The following TENM2 variants were observed in gnomAD, a reference collection of about 807,000 sequenced individuals.
TENM2 encodes the protein teneurin transmembrane protein 2, also known as teneurin-2.
Under a neutral mutation model 245.2 loss-of-function variants are expected in TENM2, and 52 were observed. The ratio of observed to expected loss-of-function variants is 0.21; its 90% CI spans 0.17 to 0.27. The LOEUF is 0.27. Ranked by LOEUF, TENM2 falls within the 10% of genes least tolerant of loss-of-function variation. The pLI is 1.00. For synonymous variants in TENM2, 1,363 were observed against 1,438.9 expected, an observed-to-expected ratio of 0.95 and a Z score of 1.19; for missense variants, 3,046 against 3,666.8, an observed-to-expected ratio of 0.83 and a Z score of 4.37.
chr5:168,223,991 G>C (rs1330408980), intron 23 of TENM2, among the ~76,000 whole-genome samples: 1 of 150,910 alleles, frequency 6.6e-6, no homozygotes, highest in Non-Finnish European at 1.5e-5. Flanking sequence ...GTGTAGATTT[G>C]TGTATGCCAA....
chr5:168,077,609 G>A (rs1044522335), intron 7 of TENM2, among the ~76,000 whole-genome samples: 2 of 152,064 alleles, frequency 1.3e-5, no homozygotes, highest in African/African-American at 4.8e-5. Context: ...CCCGGTATGT[G>A]ATGTTCCCCA....
intron 2 of TENM2, among the ~76,000 whole-genome samples, chr5:167,784,973 G>GT (rs35080720): frequency 3.3e-4 from 49 of 149,972 alleles, no homozygotes; most frequent in East Asian, 1.4e-3. Flanking sequence ...TTGAATTAAG[G>GT]TTTTTTTTTT....
chr5:167,687,537 C>T (rs947661786), intron 2 of TENM2, among the ~76,000 whole-genome samples: 1 of 152,156 alleles, frequency 6.6e-6, no homozygotes, highest in African/African-American at 2.4e-5. Flanking sequence ...TTGTTCCAGG[C>T]TCACGTTGAT....
rs1269815280 is a variant in TENM2, at chr5:168,080,088, A to G, written c.1516-10486A>G. ...ACTTTTTTTGGTTGGTAAGCTATTAATTATTGCCTCAATTTCAGAGCCTGT... is the reference window on the plus strand; with the variant it reads ...ACTTTTTTTGGTTGGTAAGCTATTAGTTATTGCCTCAATTTCAGAGCCTGT... On this transcript the variant is annotated intron_variant, in intron 7 of 28. Transcript: ENST00000518659. 2.0e-5 allele frequency among the ~76,000 whole-genome samples: 3 copies of G among 152,180 alleles called. No homozygotes were observed. The East Asian group carries it at 5.8e-4, about 29-fold the overall frequency.
chr5:167,301,065 C>T (rs907624208), intron 1 of TENM2, among the ~76,000 whole-genome samples: 10 of 152,038 alleles, frequency 6.6e-5, no homozygotes, highest in African/African-American at 1.7e-4. Context: ...AAGAAGGGGA[C>T]GGACTTACTT....
At chr5:167,096,281 C>A in the TENM2 span, among the ~76,000 whole-genome samples, 1 of 152,166 alleles carries the variant, frequency 6.6e-6, no homozygotes, top group African/African-American at 2.4e-5. Context: ...AAAATCTACT[C>A]TTGGCAATTT....
intron 3 of TENM2, chr5:167,952,350 TA>T: frequency 1.7e-6 from 1 of 587,198 alleles, no homozygotes; most frequent in Non-Finnish European, 3.0e-6. Flanking sequence ...CTGGTTTTGC[TA>T]AATTAGTTTC....
At chr5:168,158,523 C>T (rs889387573) in intron 12 of TENM2, among the ~76,000 whole-genome samples, 1 of 151,948 alleles carries the variant, frequency 6.6e-6, no homozygotes, top group African/African-American at 2.4e-5. Flanking sequence ...GTTTCTCAAC[C>T]TTAGCACAGT....
the TENM2 span, among the ~76,000 whole-genome samples, chr5:167,091,044 T>A: frequency 2.0e-5 from 3 of 152,210 alleles, no homozygotes; most frequent in Admixed American, 2.0e-4. Context: ...CATGCCTGGC[T>A]GTATGTGAAA....
At chr5:167,859,047 T>C (rs1236881560) in intron 2 of TENM2, among the ~76,000 whole-genome samples, 3 of 138,980 alleles carry the variant, frequency 2.2e-5, no homozygotes, top group Non-Finnish European at 3.1e-5. Context: ...CCGGCCGCCA[T>C]CACATCTAGG....
the TENM2 span, among the ~76,000 whole-genome samples, chr5:167,082,621 C>G: frequency 2.0e-5 from 3 of 152,216 alleles, no homozygotes; most frequent in Middle Eastern, 3.4e-3. Context: ...TCTTTTGACA[C>G]AGTTGTTACT....
chr5:167,598,061 G>A (rs1323605468), intron 2 of TENM2, among the ~76,000 whole-genome samples: 10 of 152,180 alleles, frequency 6.6e-5, no homozygotes, highest in Non-Finnish European at 1.2e-4. Context: ...ATTGGTCCAC[G>A]GGAGACCAGT....
chr5:167,377,314 G>A (rs1760817576), intron 2 of TENM2, among the ~76,000 whole-genome samples: 1 of 152,062 alleles, frequency 6.6e-6, no homozygotes. Context: ...CCTTGATATA[G>A]TGTCCTGATT....
chr5:168,154,147 T>TAA lies in TENM2; in HGVS notation c.2423-8446_2423-8445dup, dbSNP rs70976465. On this transcript the variant is annotated intron_variant, in intron 12 of 28. Transcript: ENST00000518659. ...CATTTCCTCACATGATCACCTACTT[T>TAA]AAAAAAAAAAAAAAAAAAACAGTAA... Among the ~76,000 whole-genome samples the TAA allele has an allele frequency of 5.2e-3, 440 of 85,064 alleles. 15 individuals are homozygous for TAA. The highest frequency in any genetic ancestry group is 0.027 in the East Asian group (71 of 2,634). The allele number at this position is 85,064 out of a possible 152,430, so 55.8% of individuals were successfully genotyped here. A position where few individuals can be genotyped will look rare whatever the true frequency, so the allele number is the denominator to read the frequency against.
intron 1 of TENM2, among the ~76,000 whole-genome samples, chr5:167,322,220 T>C (rs1756799507): frequency 6.6e-6 from 1 of 152,096 alleles, no homozygotes; most frequent in Non-Finnish European, 1.5e-5. Context: ...TTTGTTTTTT[T>C]TTTTTTGTTG....
intron 2 of TENM2, among the ~76,000 whole-genome samples, chr5:167,422,522 ATT>A (rs1763572102): frequency 6.6e-6 from 1 of 152,210 alleles, no homozygotes; most frequent in Non-Finnish European, 1.5e-5. Flanking sequence ...TGCAGCAATA[ATT>A]TATCAGGCAG....
At chr5:167,768,700 GC>G (rs1349852359) in intron 2 of TENM2, among the ~76,000 whole-genome samples, 2 of 152,148 alleles carry the variant, frequency 1.3e-5, no homozygotes, top group Admixed American at 1.3e-4. Flanking sequence ...AGTTCCCTGA[GC>G]CTCAGTGTCC....
At chr5:167,363,913 A>G (rs1480505948) in intron 1 of TENM2, among the ~76,000 whole-genome samples, 1 of 152,046 alleles carries the variant, frequency 6.6e-6, no homozygotes, top group Admixed American at 6.6e-5. Flanking sequence ...TTGAAAAGCA[A>G]TATCAGTTTT....
At chr5:167,457,523 T>G (rs1173667893) in intron 2 of TENM2, among the ~76,000 whole-genome samples, 4 of 151,810 alleles carry the variant, frequency 2.6e-5, no homozygotes, top group Non-Finnish European at 5.9e-5. Context: ...AATTTTGTAT[T>G]TTTAGTAGAG....
Sources: gnomAD v4.1 joint callset for allele counts (sites outside exome capture counted in the v4.1 genomes callset) on GRCh38, gnomAD v4.1.1 for gene constraint, MANE v1.5 for transcripts, NCBI Gene and HGNC (gene_info 2026-07-23, HGNC 2026-07-21) for gene names.